Variants in NPIPB2 observed in about 807,000 individuals in gnomAD.
The protein encoded by NPIPB2 is nuclear pore complex-interacting protein family member B2.
NPIPB2 carries 27 observed loss-of-function variants against 30.8 expected under a neutral mutation model. The ratio of observed to expected loss-of-function variants is 0.88; its 90% CI spans 0.65 to 1.21. NPIPB2 has a LOEUF of 1.21. NPIPB2 is among the 50% of genes most tolerant of loss of function. The pLI, the probability that NPIPB2 is intolerant of heterozygous loss-of-function variation, is 0.00. For missense variants in NPIPB2, 440 were observed against 446.2 expected (o/e 0.99, Z 0.13); for synonymous variants, 147 against 162.0 (o/e 0.91, Z 0.70).
chr16:11,927,516 CG>C lies in NPIPB2; in HGVS notation c.1050del (p.Glu351AsnfsTer36). On this transcript the variant is annotated frameshift_variant, in exon 8 of 8. Transcript: ENST00000399147. LOFTEE classifies it high-confidence loss of function. ...TCAGCGGCCCTCCGCCTCTTGGGTT[CG>C]GGTGGTGATTCCATCTCAGCCGCTC... is the stretch of plus-strand genomic sequence containing the variant. 1.3e-6 allele frequency: 2 copies of C among 1,485,810 alleles called. No homozygotes were observed. The highest frequency in any genetic ancestry group is 1.8e-6 in the Non-Finnish European group (2 of 1,116,486). The allele number at this position is 1,485,810 out of a possible 1,614,324, so 92.0% of individuals were successfully genotyped here. A position where few individuals can be genotyped will look rare whatever the true frequency, so the allele number is the denominator to read the frequency against.
intron 1 of NPIPB2, among the ~76,000 whole-genome samples, chr16:11,951,144 A>T (rs1445945963): frequency 6.6e-6 from 1 of 152,082 alleles, no homozygotes; most frequent in Non-Finnish European, 1.5e-5. Context: ...CTTTTAAGAA[A>T]ATTCAGTTTC....
At position 11,969,237 on chromosome 16, in the gene NPIPB2, G is replaced by C. The variant is rs376340279; in HGVS notation, c.-584+7331C>G. 3.9e-4 allele frequency among the ~76,000 whole-genome samples: 59 copies of C among 152,112 alleles called. 1 individual carries two copies. In the South Asian group the frequency reaches 0.012, roughly 30 times the overall value. On this transcript the variant is annotated intron_variant, in intron 1 of 5. Transcript: ENST00000538896. ...TACATACAGATTTCAGGAAGGATCGGATGTTTCTCTTGATTTTTGAATTTT... is the reference window on the plus strand; with the variant it reads ...TACATACAGATTTCAGGAAGGATCGCATGTTTCTCTTGATTTTTGAATTTT...
At chr16:11,933,210 C>T (rs1322168378) in intron 4 of NPIPB2, among the ~76,000 whole-genome samples, 1 of 151,592 alleles carries the variant, frequency 6.6e-6, no homozygotes, top group African/African-American at 2.4e-5. Context: ...TGACATTGTG[C>T]CATTGCACTA....
chr16:11,970,458 C>T (rs972370023), intron 1 of NPIPB2, among the ~76,000 whole-genome samples: 5 of 152,100 alleles, frequency 3.3e-5, no homozygotes, highest in South Asian at 4.2e-4. Context: ...GGTGATCCAC[C>T]CACTTTGGCC....
At chr16:11,961,127 T>C (rs1422594303) in intron 1 of NPIPB2, among the ~76,000 whole-genome samples, 1 of 152,176 alleles carries the variant, frequency 6.6e-6, no homozygotes, top group Non-Finnish European at 1.5e-5. Flanking sequence ...CCTCCCAAAG[T>C]GCTGGGATTA....
intron 1 of NPIPB2, 123 bp from the exon 2 acceptor site, chr16:11,937,791 C>T: frequency 3.5e-6 from 5 of 1,422,610 alleles, no homozygotes; most frequent in Non-Finnish European, 4.7e-6. Context: ...TCAGATATCA[C>T]CGTGGGATTC....
chr16:11,946,901 G>T (rs1596498381), upstream of NPIPB2, among the ~76,000 whole-genome samples: 1 of 151,602 alleles, frequency 6.6e-6, no homozygotes, highest in Non-Finnish European at 1.5e-5. Flanking sequence ...TGTATTTTTA[G>T]TAGAGATGGG....
chr16:11,947,316 ATTTATT>A (rs549360742), intron 1 of NPIPB2, among the ~76,000 whole-genome samples: 2,626 of 72,132 alleles, frequency 0.036, 78 homozygotes, highest in African/African-American at 0.077. Flanking sequence ...TTATTTATTT[ATTTATT>A]TATATATATA....
chr16:11,942,455 C>T (rs117396465), upstream of NPIPB2, among the ~76,000 whole-genome samples: 10,809 of 146,754 alleles, frequency 0.074, 652 homozygotes, highest in Admixed American at 0.16. Context: ...CACAAGGTTG[C>T]ATGATCTCAA....
intron 1 of NPIPB2, among the ~76,000 whole-genome samples, chr16:11,940,782 AAAG>A (rs2054928087): frequency 6.8e-6 from 1 of 147,034 alleles, no homozygotes; most frequent in South Asian, 2.1e-4. Flanking sequence ...AAAAAAAAAA[AAAG>A]TCATCAAACC....
exon 8 of NPIPB2, chr16:11,927,546 A>C: frequency 1.3e-6 from 2 of 1,594,662 alleles, no homozygotes; most frequent in Non-Finnish European, 1.7e-6. Flanking sequence ...GCCGCTCTCC[A>C]CCTCTTGGGT....
At chr16:11,937,713 A>G (rs750303516) in intron 1 of NPIPB2, 45 bp from the exon 2 acceptor site, 1 of 1,589,832 alleles carries the variant, frequency 6.3e-7, no homozygotes, top group East Asian at 2.2e-5. Flanking sequence ...AATGACACTG[A>G]CAATATTTCA....
At chr16:11,976,148 C>G (rs1204915419) in intron 1 of NPIPB2, among the ~76,000 whole-genome samples, 2 of 151,992 alleles carry the variant, frequency 1.3e-5, no homozygotes, top group African/African-American at 4.8e-5. Flanking sequence ...CTCACCCTCT[C>G]GAACTCCTGA....
At chr16:11,973,879 T>C (rs2055251265) in intron 1 of NPIPB2, among the ~76,000 whole-genome samples, 1 of 152,118 alleles carries the variant, frequency 6.6e-6, no homozygotes, top group African/African-American at 2.4e-5. Context: ...AGGAATTCTG[T>C]TGAGGAGCAA....
intron 1 of NPIPB2, chr16:11,965,495 T>A (rs1486420611): frequency 1.2e-6 from 2 of 1,603,730 alleles, no homozygotes; most frequent in Admixed American, 1.7e-5. Flanking sequence ...TGGTGTGAAC[T>A]ATTCTGTCTA....
chr16:11,969,330 T>C (rs1444093162), intron 1 of NPIPB2, among the ~76,000 whole-genome samples: 2 of 152,078 alleles, frequency 1.3e-5, no homozygotes, highest in Non-Finnish European at 2.9e-5. Context: ...CGATCTCAGC[T>C]CACTGCAACC....
chr16:11,927,728 G>C lies in NPIPB2; in HGVS notation c.839C>G (p.Thr280Arg), dbSNP rs530343762. The C allele has an allele frequency of 3.1e-6, 5 of 1,599,770 alleles. No homozygotes were observed. The East Asian group carries it at 1.1e-4, about 36-fold the overall frequency. Residue 280 changes from threonine to arginine, a missense_variant, in exon 8 of 8, where the codon ACA becomes AGA. This residue lies in a region of NPIPB2 where 48 missense variants were observed against 96.4 expected (regional missense o/e 0.50). Coordinates refer to ENST00000399147, the Ensembl canonical transcript of NPIPB2. ...GGGAGTGAGCAGACACTCGGGAGGTGTCTTGAGGCTCAGGGAGTTATCAGT... is the reference window on the plus strand; with the variant it reads ...GGGAGTGAGCAGACACTCGGGAGGTCTCTTGAGGCTCAGGGAGTTATCAGT...
rs552243593 is a variant in NPIPB2, at chr16:11,971,644, G to A, written c.-584+4924C>T. Reference sequence around the variant, plus strand: ...CAAGTAGCTGGGATTACAACTGTGCGGCACCAAGCTCAGCTAATTTTTGTA... The same window carrying A: ...CAAGTAGCTGGGATTACAACTGTGCAGCACCAAGCTCAGCTAATTTTTGTA... On this transcript the variant is annotated intron_variant, in intron 1 of 5. Transcript: ENST00000538896. 1.3e-3 allele frequency among the ~76,000 whole-genome samples: 205 copies of A among 151,946 alleles called. 2 individuals carry two copies. The highest frequency in any genetic ancestry group is 4.3e-3 in the African/African-American group (177 of 41,474).
At chr16:11,943,795 G>A (rs1289567210), upstream of NPIPB2, among the ~76,000 whole-genome samples, 1 of 150,772 alleles carries the variant, frequency 6.6e-6, no homozygotes, top group African/African-American at 2.4e-5. Flanking sequence ...TCAGGAGATC[G>A]AGACCATCCT....
Sources: allele counts gnomAD v4.1 joint callset (sites outside exome capture counted in the v4.1 genomes callset), GRCh38; gene constraint gnomAD v4.1.1; regional missense constraint gnomAD v4.1.1; transcripts MANE v1.5; gene names NCBI Gene and HGNC (gene_info 2026-07-23, HGNC 2026-07-21).